PNP: variants seen among roughly 807,000 people sequenced by gnomAD.
The protein encoded by PNP is purine nucleoside phosphorylase.
A neutral mutation model predicts 26.8 loss-of-function variants in PNP; 18 were observed. The ratio of observed to expected loss-of-function variants is 0.67; its 90% CI spans 0.46 to 1.00. The LOEUF is 1.00. PNP is among the 50% of genes least tolerant of loss of function. PNP has a pLI of 0.00. For synonymous variants in PNP, 116 were observed against 124.8 expected (o/e 0.93, Z 0.47); for missense variants, 320 against 362.9 (o/e 0.88, Z 0.96).
At chr14:20,470,759 A>G in intron 1 of PNP, 1 of 152,620 alleles carries the variant, frequency 6.6e-6, no homozygotes. Context: ...GACAGGAAGA[A>G]GACCACAGGC....
chr14:20,471,238 A>G (rs1881981322), intron 1 of PNP, among the ~76,000 whole-genome samples: 1 of 127,114 alleles, frequency 7.9e-6, no homozygotes, highest in Non-Finnish European at 1.6e-5. Context: ...TTTAGTAGAG[A>G]CGGGGTTTCA....
Position 20,476,795 on chromosome 14 carries a change from G to C in PNP, c.*194G>C. On this transcript the variant is annotated 3_prime_UTR_variant, in exon 6 of 6. Transcript: ENST00000361505. ...TCCTCTTCTCAAAGCTGGGATTACAGGTGTGAGCATAGTGAGACCTTGGCG... is the reference window on the plus strand; with the variant it reads ...TCCTCTTCTCAAAGCTGGGATTACACGTGTGAGCATAGTGAGACCTTGGCG... 3.1e-6 allele frequency: 2 copies of C among 643,518 alleles called. No individual in the cohort carries two copies. The highest frequency in any genetic ancestry group is 5.6e-6 in the Non-Finnish European group (2 of 356,432). 39.9% of individuals were successfully genotyped at this position (643,518 alleles called of 1,614,324 possible). A position where few individuals can be genotyped will look rare whatever the true frequency, so the allele number is the denominator to read the frequency against.
intron 1 of PNP, among the ~76,000 whole-genome samples, chr14:20,471,242 G>A (rs571230026): frequency 5.3e-4 from 78 of 146,380 alleles, no homozygotes; most frequent in African/African-American, 1.8e-3. Context: ...GTAGAGACGG[G>A]GTTTCAACAT....
At chr14:20,469,668 G>T (rs566933715) in intron 1 of PNP, 133 bp downstream of exon 1, 1 of 1,218,244 alleles carries the variant, frequency 8.2e-7, no homozygotes, top group Non-Finnish European at 1.2e-6. Flanking sequence ...GCCTGGCACT[G>T]AGCCTAGTGT....
chr14:20,473,027 C>G (rs1256643313), intron 2 of PNP: 2 of 157,554 alleles, frequency 1.3e-5, no homozygotes, highest in African/African-American at 4.8e-5. Context: ...CCACTCCTAC[C>G]CCCAGTGAGA....
chr14:20,475,060 A>T lies in PNP; in HGVS notation c.462-2A>T. ...TGTGAGATAATTCAACCTGTGTCCTAGGTTTGGAGATCGTTTCCCTGCCAT... is the reference window on the plus strand; with the variant it reads ...TGTGAGATAATTCAACCTGTGTCCTTGGTTTGGAGATCGTTTCCCTGCCAT... On this transcript the variant is annotated splice_acceptor_variant, in intron 4 of 5. Coordinates refer to ENST00000361505, the MANE Select transcript of PNP (RefSeq NM_000270.4). LOFTEE classifies it high-confidence loss of function. 6.2e-7 allele frequency: 1 copy of T among 1,614,184 alleles called. No homozygotes were observed. The highest frequency in any genetic ancestry group is 8.5e-7 in the Non-Finnish European group (1 of 1,180,020).
At position 20,474,965 on chromosome 14, in the gene PNP, G is replaced by GT. The variant is rs201831232; in HGVS notation, c.461+25dup. On this transcript the variant is annotated intron_variant, in intron 4 of 5. Transcript: ENST00000361505. Reference sequence around the variant, plus strand: ...TGATGAAAGGTATGTATGTTACTCCGTTTTTTTTAGGTGGGTAGGATTTAA... The same window carrying GT: ...TGATGAAAGGTATGTATGTTACTCCGTTTTTTTTTAGGTGGGTAGGATTTAA... 2.1e-3 allele frequency: 3,380 copies of GT among 1,613,464 alleles called. 25 individuals are homozygous for GT. The Middle Eastern group carries it at 0.027, about 13-fold the overall frequency.
At chr14:20,472,872 A>C (rs1466674500) in intron 2 of PNP, 1 of 243,484 alleles carries the variant, frequency 4.1e-6, no homozygotes, top group East Asian at 1.0e-4. Context: ...ACCTGTCAGC[A>C]GGAAAAGACC....
At chr14:20,472,992 AT>A (rs763931690) in intron 2 of PNP, 9 of 170,404 alleles carry the variant, frequency 5.3e-5, no homozygotes, top group Non-Finnish European at 1.0e-4. Flanking sequence ...TCTAAGGGAG[AT>A]AGTAGTGACG....
chr14:20,472,729 G>C, intron 2 of PNP: 2 of 551,154 alleles, frequency 3.6e-6, no homozygotes, highest in Non-Finnish European at 6.5e-6. Flanking sequence ...CAGGTGACAG[G>C]GGCCAAGTAA....
intron 2 of PNP, chr14:20,473,144 G>A (rs887732755): frequency 2.0e-5 from 3 of 151,956 alleles, no homozygotes; most frequent in African/African-American, 7.3e-5. Flanking sequence ...TACTGTTTTT[G>A]TTTTGTTTTT....
chr14:20,475,712 G>A (rs904249048), intron 5 of PNP, among the ~76,000 whole-genome samples: 29 of 152,026 alleles, frequency 1.9e-4, no homozygotes, highest in African/African-American at 6.5e-4. Flanking sequence ...CCTTGAACTC[G>A]CGACCTCAGG....
chr14:20,476,687 T>C lies in PNP; in HGVS notation c.*86T>C. The C allele has an allele frequency of 2.0e-6, 2 of 1,023,430 alleles. No individual in the cohort carries two copies. The allele number at this position is 1,023,430 out of a possible 1,614,324, so 63.4% of individuals were successfully genotyped here. On this transcript the variant is annotated 3_prime_UTR_variant, in exon 6 of 6. Coordinates refer to ENST00000361505, the MANE Select transcript of PNP (RefSeq NM_000270.4). The stretch of plus-strand genomic sequence containing the variant: ...GCCCCTTGCTGGAGTCATGTGCCTC[T>C]GTCCTTAGGTTGTAGCAGAAAGGAA...
intron 1 of PNP, 150 bp downstream of exon 1, chr14:20,469,685 C>G: frequency 9.1e-7 from 1 of 1,101,756 alleles, no homozygotes; most frequent in Non-Finnish European, 1.3e-6. Context: ...GTGTCGGGAG[C>G]AAGGCGGCAG....
intron 2 of PNP, chr14:20,474,135 T>C: frequency 3.1e-6 from 1 of 325,088 alleles, no homozygotes; most frequent in South Asian, 2.7e-5. Context: ...CTTCCATTTC[T>C]GAGTATCTAC....
chr14:20,469,447 T>TAGCGGAGCGGATCCGATCGGATCGG lies in PNP; in HGVS notation c.-71_-47dup. The TAGCGGAGCGGATCCGATCGGATCGG allele has an allele frequency of 4.6e-6, 7 of 1,536,496 alleles. No individual in the cohort carries two copies. Among genetic ancestry groups the TAGCGGAGCGGATCCGATCGGATCGG allele is most frequent in the Non-Finnish European group, 5.3e-6 (6 of 1,134,842 alleles). On this transcript the variant is annotated 5_prime_UTR_variant, in exon 1 of 6. Transcript: ENST00000361505. ...CCCGGCAGCCTTGCTCAGTTCAGCA[T>TAGCGGAGCGGATCCGATCGGATCGG]AGCGGAGCGGATCCGATCGGATCGG...
At chr14:20,476,301 T>A (rs1882109775) in intron 5 of PNP, 83 bp from the exon 6 acceptor site, 1 of 1,130,032 alleles carries the variant, frequency 8.8e-7, no homozygotes. Flanking sequence ...GATTTTTAAT[T>A]CTTGTTGAAA....
At chr14:20,469,770 G>GGACA in intron 1 of PNP, 1 of 639,178 alleles carries the variant, frequency 1.6e-6, no homozygotes, top group Non-Finnish European at 2.8e-6. Context: ...AGCAGGAAGG[G>GGACA]GACAGGTCGG....
In PNP at chr14:20,476,921, C is replaced by A; in HGVS notation, c.*320C>A. ...GGAGATGCCCAGGATTTGACTCGGGCCTTAGAACTTTGCATAGCAGCTGCT... is the reference window on the plus strand; with the variant it reads ...GGAGATGCCCAGGATTTGACTCGGGACTTAGAACTTTGCATAGCAGCTGCT... On this transcript the variant is annotated 3_prime_UTR_variant, in exon 6 of 6. Coordinates refer to ENST00000361505, the MANE Select transcript of PNP (RefSeq NM_000270.4). 1 of 405,352 alleles carries A rather than the reference C, an allele frequency of 2.5e-6. No homozygotes were observed. The highest frequency in any genetic ancestry group is 4.7e-6 in the Non-Finnish European group (1 of 214,194). 25.1% of individuals were successfully genotyped at this position (405,352 alleles called of 1,614,324 possible).
Sources: allele counts gnomAD v4.1 joint callset (sites outside exome capture counted in the v4.1 genomes callset), GRCh38; gene constraint gnomAD v4.1.1; transcripts MANE v1.5; gene names NCBI Gene and HGNC (gene_info 2026-07-23, HGNC 2026-07-21).